The following TWIST2 variants were observed in gnomAD, a reference collection of about 807,000 sequenced individuals.
The protein encoded by TWIST2 is twist family bHLH transcription factor 2.
A neutral mutation model predicts 11.6 loss-of-function variants in TWIST2; 1 was observed. The ratio of observed to expected loss-of-function variants is 0.09; its 90% CI spans 0.03 to 0.41. The LOEUF (loss-of-function observed/expected upper bound fraction) is 0.41, where lower values mean the gene tolerates loss of function less well. Among genes scored for constraint, TWIST2 ranks in the 10% least tolerant of loss-of-function variants. The pLI is 0.98. For missense variants in TWIST2, 168 were observed against 226.4 expected (o/e 0.74, Z 1.66); for synonymous variants, 87 against 96.6 (o/e 0.90, Z 0.58).
At position 238,864,224 on chromosome 2, in the gene TWIST2, G is replaced by A. The variant is rs1036605639; in HGVS notation, c.*35+15491G>A. Among the ~76,000 whole-genome samples the A allele has an allele frequency of 1.3e-5, 2 of 152,198 alleles. No individual in the cohort carries two copies. The highest frequency in any genetic ancestry group is 2.1e-4 in the South Asian group (1 of 4,816). ...GAGGGGGGACCTCTCGGGCTGTGCC[G>A]TGGTATCCTCTCTTCTCCACATTAC... On this transcript the variant is annotated intron_variant, in intron 1 of 1. Transcript: ENST00000612363. The surrounding 1 kb of genome is among the most constrained non-coding windows in gnomAD (Gnocchi z 4.7).
intron 1 of TWIST2, among the ~76,000 whole-genome samples, chr2:238,853,131 C>A (rs1307138025): frequency 1.3e-5 from 2 of 152,004 alleles, no homozygotes; most frequent in African/African-American, 4.8e-5. Flanking sequence ...ATTATAATAG[C>A]AATACATTTA....
chr2:238,887,381 C>A (rs1693059753), intron 1 of TWIST2: 1 of 152,240 alleles, frequency 6.6e-6, no homozygotes, highest in African/African-American at 2.4e-5. Context: ...GACTTACACT[C>A]TTCCGGCCAG....
chr2:238,902,326 TGTG>T (rs2106373480), intron 1 of TWIST2, among the ~76,000 whole-genome samples: 1 of 149,846 alleles, frequency 6.7e-6, no homozygotes, highest in Non-Finnish European at 1.5e-5. Context: ...GTATGTGTGG[TGTG>T]GGGGTGTGTG....
At chr2:238,858,595 G>A (rs1477257711) in intron 1 of TWIST2, among the ~76,000 whole-genome samples, 1 of 152,104 alleles carries the variant, frequency 6.6e-6, no homozygotes, top group African/African-American at 2.4e-5. Context: ...ACACTTTTCT[G>A]CCCTCAGCCT....
chr2:238,873,251 C>A (rs917922508), intron 1 of TWIST2, among the ~76,000 whole-genome samples: 1 of 151,900 alleles, frequency 6.6e-6, no homozygotes, highest in Non-Finnish European at 1.5e-5. Context: ...CGGGATGTGG[C>A]GGGGAAGAAG....
chr2:238,899,892 T>C (rs1693248958), intron 1 of TWIST2, among the ~76,000 whole-genome samples: 1 of 152,164 alleles, frequency 6.6e-6, no homozygotes, highest in African/African-American at 2.4e-5. Flanking sequence ...AGAGGGTATA[T>C]GGGAAATCTC....
intron 1 of TWIST2, among the ~76,000 whole-genome samples, chr2:238,870,552 C>A (rs1574754691): frequency 1.3e-4 from 16 of 123,934 alleles, no homozygotes; most frequent in South Asian, 5.6e-4. Context: ...CCCACACACC[C>A]CACACACACC....
At chr2:238,884,206 C>G (rs1692991208) in intron 1 of TWIST2, among the ~76,000 whole-genome samples, 1 of 152,198 alleles carries the variant, frequency 6.6e-6, no homozygotes, top group Admixed American at 6.5e-5. Flanking sequence ...GCCAGTTGTG[C>G]CTGGGCTGAA....
intron 1 of TWIST2, among the ~76,000 whole-genome samples, chr2:238,884,664 C>G (rs1416033611): frequency 2.0e-5 from 3 of 152,204 alleles, no homozygotes; most frequent in Non-Finnish European, 4.4e-5. Flanking sequence ...GAACATAGCT[C>G]TATCATGGAG....
At chr2:238,868,655 C>T (rs1429842857) in intron 1 of TWIST2, among the ~76,000 whole-genome samples, 1 of 152,222 alleles carries the variant, frequency 6.6e-6, no homozygotes, top group African/African-American at 2.4e-5. Context: ...GTGGGACAAG[C>T]CGTGTTCCAA....
chr2:238,853,560 T>C (rs1316899261), intron 1 of TWIST2, among the ~76,000 whole-genome samples: 1 of 152,190 alleles, frequency 6.6e-6, no homozygotes, highest in Non-Finnish European at 1.5e-5. Context: ...TGTTTGGTAG[T>C]AACCCTTTGG....
chr2:238,884,924 CT>C (rs1349593472), intron 1 of TWIST2, among the ~76,000 whole-genome samples: 1 of 152,230 alleles, frequency 6.6e-6, no homozygotes. Flanking sequence ...TCCAGCTCCC[CT>C]GAGTGGTGTG....
At chr2:238,905,918 CAGGT>C (rs1693340814) in intron 1 of TWIST2, among the ~76,000 whole-genome samples, 6 of 112,842 alleles carry the variant, frequency 5.3e-5, no homozygotes, top group African/African-American at 7.3e-5. Flanking sequence ...TGTGTGCGTG[CAGGT>C]GTGCGTGTGC....
chr2:238,872,081 C>T (rs1473524286), intron 1 of TWIST2, among the ~76,000 whole-genome samples: 3 of 152,104 alleles, frequency 2.0e-5, no homozygotes, highest in Admixed American at 6.5e-5. Flanking sequence ...AAATTATTTC[C>T]GGGGATGTTT....
intron 1 of TWIST2, among the ~76,000 whole-genome samples, chr2:238,870,586 C>T (rs1406972436): frequency 4.9e-5 from 2 of 40,798 alleles, no homozygotes; most frequent in East Asian, 7.1e-4. Context: ...CACACACACA[C>T]ACCACACACC....
intron 1 of TWIST2, among the ~76,000 whole-genome samples, chr2:238,875,535 T>A (rs138774715): frequency 1.1e-3 from 162 of 152,330 alleles, no homozygotes; most frequent in African/African-American, 3.8e-3. Flanking sequence ...TTCACGTTAC[T>A]GGCATTGGTT....
intron 1 of TWIST2, among the ~76,000 whole-genome samples, chr2:238,879,859 G>A (rs1692874866): frequency 6.6e-6 from 1 of 152,252 alleles, no homozygotes; most frequent in Non-Finnish European, 1.5e-5. Flanking sequence ...GCACTCAGAG[G>A]TGCAGAGAGC....
intron 1 of TWIST2, among the ~76,000 whole-genome samples, chr2:238,881,268 T>C (rs1294056699): frequency 7.0e-6 from 1 of 142,550 alleles, no homozygotes; most frequent in African/African-American, 2.6e-5. Flanking sequence ...AGTGTATTTA[T>C]TAGTGTTAGC....
At chr2:238,904,282 AGTG>A (rs1271192794) in intron 1 of TWIST2, among the ~76,000 whole-genome samples, 1 of 110,518 alleles carries the variant, frequency 9.0e-6, no homozygotes, top group Non-Finnish European at 1.8e-5. Flanking sequence ...TGTTTGATGT[AGTG>A]TGTGTGTGAT....
Sources: gnomAD v4.1 joint callset for allele counts (sites outside exome capture counted in the v4.1 genomes callset) on GRCh38, gnomAD v4.1.1 for gene constraint, Gnocchi (gnomAD v3.1) non-coding constraint, MANE v1.5 for transcripts, NCBI Gene and HGNC (gene_info 2026-07-23, HGNC 2026-07-21) for gene names.